Variants in RABGAP1L observed in about 807,000 individuals in gnomAD.
RABGAP1L encodes the protein RAB GTPase activating protein 1 like.
A neutral mutation model predicts 137.7 loss-of-function variants in RABGAP1L; 63 were observed. The ratio of observed to expected loss-of-function variants is 0.46; its 90% CI spans 0.37 to 0.56. The LOEUF is 0.56. RABGAP1L is among the 20% of genes least tolerant of loss of function. The pLI is 0.00. For synonymous variants in RABGAP1L, 431 were observed against 433.7 expected, an observed-to-expected ratio of 0.99 and a Z score of 0.08; for missense variants, 1,095 against 1,244.0, an observed-to-expected ratio of 0.88 and a Z score of 1.80.
chr1:174,390,332 AGAAACT>A (rs1687120950), intron 12 of RABGAP1L, among the ~76,000 whole-genome samples: 1 of 152,234 alleles, frequency 6.6e-6, no homozygotes, highest in African/African-American at 2.4e-5. Context: ...AGGGTCAGCT[AGAAACT>A]GAATGTCAAT....
intron 3 of RABGAP1L, among the ~76,000 whole-genome samples, chr1:174,226,214 T>C (rs1269541378): frequency 6.6e-6 from 1 of 152,176 alleles, no homozygotes; most frequent in Non-Finnish European, 1.5e-5. Flanking sequence ...CTCACCACTG[T>C]AATAGAGGTT....
intron 7 of RABGAP1L, among the ~76,000 whole-genome samples, chr1:174,260,897 A>G (rs746097552): frequency 2.0e-5 from 3 of 149,926 alleles, no homozygotes; most frequent in African/African-American, 7.6e-5. Flanking sequence ...TGCTCTGTCT[A>G]GTTGATTTTT....
At chr1:174,406,064 T>C (rs1051144274) in intron 13 of RABGAP1L, among the ~76,000 whole-genome samples, 6 of 152,184 alleles carry the variant, frequency 3.9e-5, no homozygotes, top group Non-Finnish European at 8.8e-5. Context: ...ATTTATTTTC[T>C]CTTTTCTTGC....
intron 13 of RABGAP1L, among the ~76,000 whole-genome samples, chr1:174,453,462 A>T (rs892808476): frequency 6.6e-6 from 1 of 152,188 alleles, no homozygotes; most frequent in Admixed American, 6.5e-5. Context: ...AAAAAGATAC[A>T]ATTACATAAT....
intron 13 of RABGAP1L, among the ~76,000 whole-genome samples, chr1:174,565,069 G>C (rs1468810618): frequency 6.6e-6 from 1 of 152,130 alleles, no homozygotes. Context: ...GAGTATGCAG[G>C]CAGTATGCTT....
In RABGAP1L at chr1:174,169,752, C is replaced by T. The variant is rs775465709; in HGVS notation, c.-34+10095C>T. On this transcript the variant is annotated intron_variant, in intron 1 of 25. Coordinates refer to ENST00000681986, the MANE Select transcript of RABGAP1L (RefSeq NM_001366446.1). ...TTGCCCAGGCTGGAGTGCAGTGGCA[C>T]GGTCATAGCTCATTGCAGCCTCAAA... is the stretch of plus-strand genomic sequence containing the variant. Among the ~76,000 whole-genome samples, 5 of 152,078 alleles carry T rather than the reference C, an allele frequency of 3.3e-5. No individual in the cohort carries two copies. In the South Asian group the frequency reaches 6.2e-4, roughly 19 times the overall value.
chr1:174,427,350 T>G (rs1652086528), intron 13 of RABGAP1L, among the ~76,000 whole-genome samples: 1 of 152,202 alleles, frequency 6.6e-6, no homozygotes, highest in Admixed American at 6.5e-5. Flanking sequence ...TCAATAGAGA[T>G]ATTTCTTACC....
chr1:174,410,874 G>A (rs192596056), intron 13 of RABGAP1L, among the ~76,000 whole-genome samples: 1 of 152,158 alleles, frequency 6.6e-6, no homozygotes, highest in Admixed American at 6.5e-5. Flanking sequence ...ATCCATGATC[G>A]TGGAATTTTT....
intron 13 of RABGAP1L, among the ~76,000 whole-genome samples, chr1:174,430,631 A>G (rs139664865): frequency 7.2e-5 from 11 of 152,256 alleles, no homozygotes; most frequent in Non-Finnish European, 1.2e-4. Context: ...GAAAAATCCA[A>G]ATTTCACACA....
At chr1:174,680,611 C>T (rs1677987630) in intron 14 of RABGAP1L, among the ~76,000 whole-genome samples, 2 of 152,116 alleles carry the variant, frequency 1.3e-5, no homozygotes. Context: ...ATGAGATGAA[C>T]AACTCAATTA....
chr1:174,249,479 A>G (rs1300913177), intron 5 of RABGAP1L, among the ~76,000 whole-genome samples: 3 of 152,158 alleles, frequency 2.0e-5, no homozygotes, highest in Admixed American at 6.6e-5. Flanking sequence ...TTTCTTGTAT[A>G]TTTTGAAGCC....
At chr1:174,389,498 A>G (rs1687055744) in intron 12 of RABGAP1L, among the ~76,000 whole-genome samples, 1 of 152,076 alleles carries the variant, frequency 6.6e-6, no homozygotes, top group East Asian at 1.9e-4. Context: ...TTATCTCCCA[A>G]TAGACATCTT....
At chr1:174,244,083 A>G (rs1338888992) in intron 5 of RABGAP1L, among the ~76,000 whole-genome samples, 1 of 152,140 alleles carries the variant, frequency 6.6e-6, no homozygotes. Flanking sequence ...ATTAATCTGA[A>G]GTCTTCTAGT....
At chr1:174,164,339 A>G (rs1285885020) in intron 1 of RABGAP1L, among the ~76,000 whole-genome samples, 1 of 152,202 alleles carries the variant, frequency 6.6e-6, no homozygotes, top group Non-Finnish European at 1.5e-5. Flanking sequence ...AGATTTATCA[A>G]ATTATGTAGT....
intron 13 of RABGAP1L, among the ~76,000 whole-genome samples, chr1:174,488,995 C>T (rs963561883): frequency 2.0e-5 from 3 of 147,098 alleles, no homozygotes; most frequent in Non-Finnish European, 4.5e-5. Flanking sequence ...TCACTTCCCA[C>T]CTATGAGTGA....
intron 13 of RABGAP1L, among the ~76,000 whole-genome samples, chr1:174,443,183 T>C (rs1289640881): frequency 2.0e-5 from 3 of 152,102 alleles, no homozygotes; most frequent in Non-Finnish European, 4.4e-5. Context: ...AATAACATGG[T>C]AGTGCATTTA....
intron 10 of RABGAP1L, among the ~76,000 whole-genome samples, chr1:174,281,055 G>C (rs892804726): frequency 2.6e-5 from 4 of 152,196 alleles, no homozygotes; most frequent in East Asian, 1.9e-4. Context: ...GATCTTGCTG[G>C]CTTCAGGAGT....
chr1:174,224,952 C>A (rs945339253), intron 3 of RABGAP1L, among the ~76,000 whole-genome samples: 1 of 150,748 alleles, frequency 6.6e-6, no homozygotes, highest in African/African-American at 2.4e-5. Flanking sequence ...TTTTTTGGAT[C>A]ACTGAGATTC....
chr1:174,825,033 T>C (rs2148896618), intron 19 of RABGAP1L, among the ~76,000 whole-genome samples: 1 of 152,378 alleles, frequency 6.6e-6, no homozygotes, highest in Non-Finnish European at 1.5e-5. Context: ...CCAAACCCTC[T>C]GACTTGGGGA....
Sources: gnomAD v4.1 joint callset for allele counts (sites outside exome capture counted in the v4.1 genomes callset) on GRCh38, gnomAD v4.1.1 for gene constraint, MANE v1.5 for transcripts, NCBI Gene and HGNC (gene_info 2026-07-23, HGNC 2026-07-21) for gene names.